NRXN1: variants seen among roughly 807,000 people sequenced by gnomAD.
NRXN1 encodes neurexin 1.
In NRXN1, 39 loss-of-function variants were observed where a neutral mutation model predicts 150.9. The ratio of observed to expected loss-of-function variants is 0.26; its 90% CI spans 0.20 to 0.34. The LOEUF (loss-of-function observed/expected upper bound fraction) is 0.34. NRXN1 is among the 10% of genes least tolerant of loss of function. NRXN1 has a pLI of 1.00. For synonymous variants in NRXN1, 924 were observed against 757.0 expected, an observed-to-expected ratio of 1.22 and a Z score of -3.62; for missense variants, 1,815 against 1,949.9, an observed-to-expected ratio of 0.93 and a Z score of 1.30.
At chr2:50,832,619 A>G (rs545217983) in intron 5 of NRXN1, among the ~76,000 whole-genome samples, 32 of 152,256 alleles carry the variant, frequency 2.1e-4, no homozygotes, top group African/African-American at 6.7e-4. Context: ...GCACCACTGC[A>G]CTCCAACTCC....
At chr2:50,217,453 C>T (rs1338701646) in intron 18 of NRXN1, among the ~76,000 whole-genome samples, 2 of 151,912 alleles carry the variant, frequency 1.3e-5, no homozygotes, top group Non-Finnish European at 2.9e-5. Context: ...CTTAAAAAAA[C>T]GTAAACTTAT....
intron 21 of NRXN1, among the ~76,000 whole-genome samples, chr2:49,975,049 GAT>G (rs1186293388): frequency 6.6e-6 from 1 of 151,042 alleles, no homozygotes; most frequent in Non-Finnish European, 1.5e-5. Context: ...TGTAATAACA[GAT>G]ATGTTTACAC....
rs1355350434 is a variant in NRXN1, at chr2:50,307,045, C to T, written c.3365-70075G>A. The stretch of plus-strand genomic sequence containing the variant: ...TGTTGCCCAGGCTGGAGTGCAGTGG[C>T]GTGATCTTGGCTTACTGCAACCTCT... On this transcript the variant is annotated intron_variant, in intron 17 of 22. Transcript: ENST00000401669. 3.3e-5 allele frequency among the ~76,000 whole-genome samples: 5 copies of T among 151,910 alleles called. 1 individual carries two copies. Among genetic ancestry groups the T allele is most frequent in the South Asian group, 4.1e-4 (2 of 4,820 alleles).
chr2:50,965,430 G>T (rs1328942992), intron 2 of NRXN1, among the ~76,000 whole-genome samples: 1 of 150,684 alleles, frequency 6.6e-6, no homozygotes, highest in African/African-American at 2.4e-5. Flanking sequence ...AAAAAATTAG[G>T]GGGAACATTT....
At chr2:50,266,598 G>A (rs1213388607) in intron 17 of NRXN1, among the ~76,000 whole-genome samples, 3 of 148,870 alleles carry the variant, frequency 2.0e-5, no homozygotes. Context: ...AAGAACTAAG[G>A]TAAAGTTGCG....
intron 2 of NRXN1, among the ~76,000 whole-genome samples, chr2:51,006,288 C>G (rs543910912): frequency 4.3e-4 from 65 of 151,152 alleles, no homozygotes; most frequent in African/African-American, 1.5e-3. Context: ...AGTAAACTAT[C>G]GCAAGGACAA....
chr2:50,266,561 AC>A (rs1361093764), intron 17 of NRXN1, among the ~76,000 whole-genome samples: 24 of 52,738 alleles, frequency 4.6e-4, no homozygotes, highest in Middle Eastern at 0.012. Flanking sequence ...ACACACACAC[AC>A]ACACACACAC....
chr2:50,842,869 T>G (rs1673076424), intron 5 of NRXN1, among the ~76,000 whole-genome samples: 1 of 152,098 alleles, frequency 6.6e-6, no homozygotes, highest in Admixed American at 6.6e-5. Context: ...GAAAATCAGG[T>G]TTTTTAGACA....
chr2:50,129,959 A>G (rs113837459), intron 18 of NRXN1, among the ~76,000 whole-genome samples: 179 of 152,316 alleles, frequency 1.2e-3, no homozygotes, highest in Middle Eastern at 3.4e-3. Flanking sequence ...TCCAAAACAA[A>G]TATTTTCTAT....
intron 17 of NRXN1, among the ~76,000 whole-genome samples, chr2:50,243,788 A>G (rs2066252629): frequency 6.6e-6 from 1 of 151,854 alleles, no homozygotes; most frequent in South Asian, 2.1e-4. Context: ...CTGAAAGCAG[A>G]AGAGTATTCC....
intron 5 of NRXN1, among the ~76,000 whole-genome samples, chr2:50,665,488 A>T (rs1167651918): frequency 6.6e-6 from 1 of 151,836 alleles, no homozygotes; most frequent in Admixed American, 6.6e-5. Flanking sequence ...CAAATAACTG[A>T]TCTATTGGCA....
chr2:50,637,157 C>T (rs1683348642), intron 5 of NRXN1, among the ~76,000 whole-genome samples: 1 of 152,032 alleles, frequency 6.6e-6, no homozygotes, highest in Non-Finnish European at 1.5e-5. Flanking sequence ...TTCTGTTATG[C>T]TGCATTTTCA....
At chr2:50,108,697 T>C (rs890701175) in intron 18 of NRXN1, among the ~76,000 whole-genome samples, 2 of 152,146 alleles carry the variant, frequency 1.3e-5, no homozygotes, top group African/African-American at 4.8e-5. Flanking sequence ...CGTTGCATGA[T>C]AAAACTATTT....
chr2:50,250,342 G>A (rs1447908112), intron 17 of NRXN1, among the ~76,000 whole-genome samples: 3 of 151,992 alleles, frequency 2.0e-5, no homozygotes, highest in Non-Finnish European at 4.4e-5. Flanking sequence ...TTTATTGGCA[G>A]GATTTTGATG....
chr2:50,505,133 T>C (rs1052564449), intron 13 of NRXN1, among the ~76,000 whole-genome samples: 2 of 152,166 alleles, frequency 1.3e-5, no homozygotes, highest in Non-Finnish European at 2.9e-5. Context: ...TCATGCATTG[T>C]CTGATAAAAT....
At chr2:50,271,978 C>G (rs888068540) in intron 17 of NRXN1, among the ~76,000 whole-genome samples, 5 of 152,116 alleles carry the variant, frequency 3.3e-5, no homozygotes. Flanking sequence ...ACTATGCAGT[C>G]TGAGTTCCTC....
At chr2:50,480,528 T>C (rs947800128) in intron 15 of NRXN1, among the ~76,000 whole-genome samples, 12 of 152,186 alleles carry the variant, frequency 7.9e-5, no homozygotes, top group African/African-American at 2.9e-4. Context: ...TTATTTGCTG[T>C]GTGTGTCTGT....
At chr2:50,769,593 G>T (rs1347501507) in intron 5 of NRXN1, among the ~76,000 whole-genome samples, 1 of 152,020 alleles carries the variant, frequency 6.6e-6, no homozygotes, top group African/African-American at 2.4e-5. Context: ...GAGACATTAG[G>T]AAACCAGTAA....
At chr2:50,320,270 C>T (rs1575071727) in intron 17 of NRXN1, among the ~76,000 whole-genome samples, 1 of 95,154 alleles carries the variant, frequency 1.1e-5, no homozygotes. Flanking sequence ...TTCATTTATT[C>T]TTATACCTCA....
Sources: gnomAD v4.1 joint callset for allele counts (sites outside exome capture counted in the v4.1 genomes callset) on GRCh38, gnomAD v4.1.1 for gene constraint, MANE v1.5 for transcripts, NCBI Gene and HGNC (gene_info 2026-07-23, HGNC 2026-07-21) for gene names.